Variants in LINGO2 observed in about 807,000 individuals in gnomAD.
LINGO2 encodes the protein leucine-rich repeat and immunoglobulin-like domain-containing nogo receptor-interacting protein 2.
In LINGO2, 14 loss-of-function variants were observed where a neutral mutation model predicts 30.6. The observed-to-expected ratio is 0.46, with a 90% CI of 0.30 to 0.72. The LOEUF (loss-of-function observed/expected upper bound fraction) is 0.72. Among genes scored for constraint, LINGO2 ranks in the 30% least tolerant of loss-of-function variants. LINGO2 has a pLI of 0.07. For synonymous variants in LINGO2, 317 were observed against 288.5 expected (o/e 1.10, Z -1.00); for missense variants, 729 against 751.7 (o/e 0.97, Z 0.35).
the LINGO2 span, among the ~76,000 whole-genome samples, chr9:29,165,639 C>T: frequency 6.6e-6 from 1 of 152,018 alleles, no homozygotes; most frequent in Admixed American, 6.6e-5. Flanking sequence ...GGAGAAGAAA[C>T]TTGAATTGCA....
At chr9:28,883,418 T>C in the LINGO2 span, among the ~76,000 whole-genome samples, 1 of 151,486 alleles carries the variant, frequency 6.6e-6, no homozygotes, top group African/African-American at 2.4e-5. Context: ...GCCTAGAACA[T>C]TCTCATCTTT....
chr9:28,108,274 C>G (rs536702608), intron 4 of LINGO2, among the ~76,000 whole-genome samples: 16 of 152,224 alleles, frequency 1.1e-4, no homozygotes, highest in South Asian at 4.1e-4. Flanking sequence ...TATGAAAAGA[C>G]TGGAGGAAAG....
At chr9:27,954,328 C>CT (rs1311109106) in intron 5 of LINGO2, among the ~76,000 whole-genome samples, 4 of 152,144 alleles carry the variant, frequency 2.6e-5, no homozygotes, top group African/African-American at 9.7e-5. Flanking sequence ...TAACAAACCT[C>CT]TCTTCATCTC....
chr9:29,196,416 T>G, the LINGO2 span, among the ~76,000 whole-genome samples: 1 of 152,080 alleles, frequency 6.6e-6, no homozygotes, highest in African/African-American at 2.4e-5. Flanking sequence ...ACCGTCTTAT[T>G]TAAACATTAT....
intron 4 of LINGO2, among the ~76,000 whole-genome samples, chr9:28,063,435 AT>A (rs113818728): frequency 6.7e-6 from 1 of 148,768 alleles, no homozygotes; most frequent in Non-Finnish European, 1.5e-5. Flanking sequence ...TATTATCCAC[AT>A]TTTTTTTTTT....
At chr9:28,015,737 C>T (rs913570799) in intron 4 of LINGO2, among the ~76,000 whole-genome samples, 1 of 151,988 alleles carries the variant, frequency 6.6e-6, no homozygotes, top group South Asian at 2.1e-4. Flanking sequence ...CTATCTTTGT[C>T]CCTTTTCTAC....
the LINGO2 span, among the ~76,000 whole-genome samples, chr9:29,150,015 A>G: frequency 1.3e-5 from 2 of 152,150 alleles, no homozygotes; most frequent in South Asian, 4.1e-4. Context: ...AGGCTTGGTA[A>G]AGGGGTTGTA....
intron 4 of LINGO2, among the ~76,000 whole-genome samples, chr9:28,158,113 A>C (rs1471494916): frequency 6.6e-6 from 1 of 152,230 alleles, no homozygotes; most frequent in African/African-American, 2.4e-5. Flanking sequence ...GCTAATAAAG[A>C]CATGCCCAGT....
At chr9:28,805,881 A>C in the LINGO2 span, among the ~76,000 whole-genome samples, 16 of 152,178 alleles carry the variant, frequency 1.1e-4, no homozygotes, top group Admixed American at 6.5e-4. Flanking sequence ...ATAAACACAC[A>C]GATAATTATA....
chr9:29,091,407 A>AT, the LINGO2 span, among the ~76,000 whole-genome samples: 41 of 125,526 alleles, frequency 3.3e-4, no homozygotes, highest in African/African-American at 9.2e-4. Context: ...TTTCAAAAAA[A>AT]ATTTTTTTGC....
chr9:28,202,063 T>C (rs992893731), intron 4 of LINGO2, among the ~76,000 whole-genome samples: 1 of 152,094 alleles, frequency 6.6e-6, no homozygotes, highest in Non-Finnish European at 1.5e-5. Context: ...GACATCTGCC[T>C]TCATCTTCAC....
intron 4 of LINGO2, among the ~76,000 whole-genome samples, chr9:28,217,071 CTGA>C (rs1423563791): frequency 6.6e-6 from 1 of 150,866 alleles, no homozygotes. Flanking sequence ...ATCATCAGTG[CTGA>C]TGTCAATAAA....
intron 4 of LINGO2, among the ~76,000 whole-genome samples, chr9:28,110,648 C>A (rs1461130238): frequency 9.9e-5 from 15 of 152,198 alleles, no homozygotes; most frequent in Non-Finnish European, 2.2e-4. Context: ...CTCATCATCA[C>A]TGACCATCAG....
chr9:28,732,353 C>CA, the LINGO2 span, among the ~76,000 whole-genome samples: 1,514 of 144,288 alleles, frequency 0.01, 25 homozygotes, highest in African/African-American at 0.037. Flanking sequence ...CACATTATTC[C>CA]AAAAAAAAAT....
chr9:28,059,539 A>G (rs1035552000), intron 4 of LINGO2, among the ~76,000 whole-genome samples: 1 of 152,146 alleles, frequency 6.6e-6, no homozygotes, highest in Non-Finnish European at 1.5e-5. Flanking sequence ...CTATGTAACC[A>G]GTGCTATTCT....
chr9:28,190,356 A>C (rs1819777684), intron 4 of LINGO2, among the ~76,000 whole-genome samples: 1 of 152,126 alleles, frequency 6.6e-6, no homozygotes, highest in South Asian at 2.1e-4. Flanking sequence ...GCATCAAAAG[A>C]AGTCAGTTTC....
intron 3 of LINGO2, among the ~76,000 whole-genome samples, chr9:28,360,446 T>C (rs1266101956): frequency 6.6e-6 from 1 of 152,200 alleles, no homozygotes; most frequent in African/African-American, 2.4e-5. Context: ...CTTAGAATGT[T>C]TGCACATACA....
chr9:28,184,098 A>G (rs1007144974), intron 4 of LINGO2, among the ~76,000 whole-genome samples: 5 of 152,138 alleles, frequency 3.3e-5, no homozygotes, highest in Non-Finnish European at 5.9e-5. Flanking sequence ...AAAGATCAAC[A>G]AGGAATGCCA....
chr9:28,136,001 A>C (rs1429433462), intron 4 of LINGO2, among the ~76,000 whole-genome samples: 1 of 152,132 alleles, frequency 6.6e-6, no homozygotes, highest in Admixed American at 6.5e-5. Context: ...AGCAGTGATA[A>C]AGTCTGATGG....
Sources: gnomAD v4.1 joint callset for allele counts (sites outside exome capture counted in the v4.1 genomes callset) on GRCh38, gnomAD v4.1.1 for gene constraint, MANE v1.5 for transcripts, NCBI Gene and HGNC (gene_info 2026-07-23, HGNC 2026-07-21) for gene names.